GREB1L: variants seen among roughly 807,000 people sequenced by gnomAD.
GREB1L encodes the protein GREB1 like retinoic acid receptor coactivator.
A neutral mutation model predicts 200.8 loss-of-function variants in GREB1L; 17 were observed. The ratio of observed to expected loss-of-function variants is 0.08; its 90% CI spans 0.06 to 0.13. The LOEUF is 0.13. Among genes scored for constraint, GREB1L ranks in the 10% least tolerant of loss-of-function variants. GREB1L has a pLI of 1.00. For missense variants in GREB1L, 1,657 were observed against 2,367.7 expected, an observed-to-expected ratio of 0.70 and a Z score of 6.23; for synonymous variants, 789 against 893.0, an observed-to-expected ratio of 0.88 and a Z score of 2.08.
chr18:21,463,042 A>G (rs2035112972), intron 15 of GREB1L, among the ~76,000 whole-genome samples: 1 of 150,288 alleles, frequency 6.7e-6, no homozygotes, highest in African/African-American at 2.4e-5. Context: ...AATTTGAATT[A>G]GAATGTTTGT....
rs565470221 is a variant in GREB1L at position 21,497,935 on chromosome 18, C to T, written c.3391+1237C>T. Among the ~76,000 whole-genome samples, 133 of 150,524 alleles carry T rather than the reference C, an allele frequency of 8.8e-4. 1 individual carries two copies. Among genetic ancestry groups the T allele is most frequent in the Non-Finnish European group, 1.6e-3 (110 of 67,694 alleles). ...CTCCCAGGTTCAAGCGATTCTCCTG[C>T]CTCAGCCTCCTGAGTAGCTGGGATT... On this transcript the variant is annotated intron_variant, in intron 21 of 32. Transcript: ENST00000424526.
chr18:21,383,697 AT>A, intron 3 of GREB1L, 22 bp downstream of exon 3: 1 of 1,541,046 alleles, frequency 6.5e-7, no homozygotes, highest in East Asian at 2.5e-5. Context: ...AATCACACAC[AT>A]TTCTGGATTC....
intron 1 of GREB1L, among the ~76,000 whole-genome samples, chr18:21,348,778 G>GA (rs201993233): frequency 0.012 from 1,734 of 149,260 alleles, 37 homozygotes; most frequent in African/African-American, 0.04. Context: ...CCATCTCGAA[G>GA]AAAAAAAAAA....
chr18:21,390,571 G>A (rs761034629), intron 4 of GREB1L, among the ~76,000 whole-genome samples: 29 of 152,182 alleles, frequency 1.9e-4, no homozygotes, highest in Non-Finnish European at 3.1e-4. Flanking sequence ...GGAGTCTCGC[G>A]CTGTCACCAG....
chr18:21,322,135 T>C (rs1400395401), intron 1 of GREB1L, among the ~76,000 whole-genome samples: 2 of 152,176 alleles, frequency 1.3e-5, no homozygotes, highest in Non-Finnish European at 2.9e-5. Flanking sequence ...ATTCAGAAGG[T>C]GGCTGGATGT....
intron 1 of GREB1L, among the ~76,000 whole-genome samples, chr18:21,310,444 T>C (rs910994507): frequency 2.0e-5 from 3 of 152,210 alleles, no homozygotes; most frequent in African/African-American, 7.2e-5. Context: ...TATAATTGTT[T>C]TATATTTTTT....
At chr18:21,307,672 G>T (rs1365599724) in intron 1 of GREB1L, among the ~76,000 whole-genome samples, 2 of 152,014 alleles carry the variant, frequency 1.3e-5, no homozygotes, top group Non-Finnish European at 2.9e-5. Flanking sequence ...TACCCGGGAG[G>T]CTGTCTGTGA....
At chr18:21,384,653 A>G (rs1243133843) in intron 4 of GREB1L, among the ~76,000 whole-genome samples, 2 of 152,146 alleles carry the variant, frequency 1.3e-5, no homozygotes, top group Non-Finnish European at 2.9e-5. Flanking sequence ...CTTCCCTGAG[A>G]TGGTCTGTTT....
chr18:21,506,145 G>A (rs188992103), intron 25 of GREB1L, among the ~76,000 whole-genome samples, 196 bp downstream of exon 25: 1 of 152,230 alleles, frequency 6.6e-6, no homozygotes, highest in Admixed American at 6.5e-5. Context: ...TGTAATCCCA[G>A]CACTGTGGGA....
intron 7 of GREB1L, among the ~76,000 whole-genome samples, chr18:21,426,292 C>T (rs577721875): frequency 1.4e-3 from 212 of 152,064 alleles, no homozygotes; most frequent in Non-Finnish European, 2.1e-3. Context: ...CTCCTGACCT[C>T]GTGATCCGCC....
chr18:21,362,415 T>G (rs2039593939), intron 1 of GREB1L, among the ~76,000 whole-genome samples: 1 of 152,160 alleles, frequency 6.6e-6, no homozygotes, highest in African/African-American at 2.4e-5. Flanking sequence ...CTTAAAGACT[T>G]TGTGTGCAAA....
chr18:21,426,969 A>AAAC (rs2032643986), intron 7 of GREB1L, among the ~76,000 whole-genome samples: 1 of 81,202 alleles, frequency 1.2e-5, no homozygotes, highest in Non-Finnish European at 2.0e-5. Flanking sequence ...AAAAAAAAAA[A>AAAC]AAACAAAAAA....
chr18:21,395,592 C>T, intron 5 of GREB1L, 31 bp downstream of exon 5: 6 of 1,460,630 alleles, frequency 4.1e-6, no homozygotes, highest in Non-Finnish European at 5.5e-6. Flanking sequence ...AAATTCCTTC[C>T]AATATGAGGG....
chr18:21,247,379 G>A (rs998674876), intron 1 of GREB1L, among the ~76,000 whole-genome samples: 2 of 152,142 alleles, frequency 1.3e-5, no homozygotes, highest in African/African-American at 4.8e-5. Flanking sequence ...AGCCATGTTA[G>A]CATAGATTAA....
chr18:21,386,383 C>A (rs1216475828), intron 4 of GREB1L, among the ~76,000 whole-genome samples: 1 of 152,134 alleles, frequency 6.6e-6, no homozygotes, highest in African/African-American at 2.4e-5. Context: ...CCTCCACCTC[C>A]CGGGTTCAAG....
chr18:21,259,310 CATA>C (rs891380686), intron 1 of GREB1L, among the ~76,000 whole-genome samples: 3 of 152,132 alleles, frequency 2.0e-5, no homozygotes, highest in African/African-American at 7.2e-5. Flanking sequence ...ATAATTTTCT[CATA>C]ATTTTTCTAC....
At chr18:21,253,948 T>A (rs750567226) in intron 1 of GREB1L, among the ~76,000 whole-genome samples, 1 of 151,172 alleles carries the variant, frequency 6.6e-6, no homozygotes, top group African/African-American at 2.4e-5. Context: ...AGGATCCTCC[T>A]GCCTCAGCCT....
intron 7 of GREB1L, among the ~76,000 whole-genome samples, chr18:21,423,316 A>C (rs1447174383): frequency 6.6e-6 from 1 of 151,776 alleles, no homozygotes; most frequent in Non-Finnish European, 1.5e-5. Context: ...TTTCCTATAA[A>C]CTCTAAGTTC....
chr18:21,279,160 T>G (rs1344223022), intron 1 of GREB1L, among the ~76,000 whole-genome samples: 1 of 152,172 alleles, frequency 6.6e-6, no homozygotes, highest in Non-Finnish European at 1.5e-5. Context: ...TTAGAAAATT[T>G]GAGAAATAGA....
Sources: allele counts gnomAD v4.1 joint callset (sites outside exome capture counted in the v4.1 genomes callset), GRCh38; gene constraint gnomAD v4.1.1; transcripts MANE v1.5; gene names NCBI Gene and HGNC (gene_info 2026-07-23, HGNC 2026-07-21).